Variants in TLR6 observed in about 807,000 individuals in gnomAD.
TLR6 encodes the protein toll like receptor 6.
TLR6 carries 9 observed loss-of-function variants against 16.1 expected under a neutral mutation model. The ratio of observed to expected loss-of-function variants is 0.56; its 90% confidence interval spans 0.34 to 0.98. The LOEUF (loss-of-function observed/expected upper bound fraction) is 0.98, where lower values mean the gene tolerates loss of function less well. Among genes scored for constraint, TLR6 ranks in the 50% least tolerant of loss-of-function variants. The pLI, the probability that TLR6 is intolerant of heterozygous loss-of-function variation, is 0.02. For missense variants in TLR6, 786 were observed against 921.0 expected, an observed-to-expected ratio of 0.85 and a Z score of 1.90; for synonymous variants, 340 against 338.6, an observed-to-expected ratio of 1.00 and a Z score of -0.04.
chr4:38,845,641 C>A (rs757678603), intron 1 of TLR6, among the ~76,000 whole-genome samples: 11 of 152,164 alleles, frequency 7.2e-5, no homozygotes, highest in Non-Finnish European at 1.6e-4. Context: ...GGATTCCCTC[C>A]TAGAGCCTCC....
intron 1 of TLR6, 37 bp from the exon 2 acceptor site, chr4:38,829,574 G>T: frequency 1.4e-6 from 1 of 707,940 alleles, no homozygotes; most frequent in Non-Finnish European, 2.3e-6. Context: ...AATAAAGATC[G>T]GATGGTTACT....
chr4:38,867,669 G>T, the TLR6 span: 1 of 151,562 alleles, frequency 6.6e-6, no homozygotes, highest in Non-Finnish European at 1.5e-5. Context: ...CCCTCGCAGC[G>T]TGGGGGTGGC....
intron 1 of TLR6, among the ~76,000 whole-genome samples, chr4:38,850,043 T>G (rs1190148182): frequency 6.6e-6 from 1 of 152,186 alleles, no homozygotes; most frequent in African/African-American, 2.4e-5. Flanking sequence ...CAGACCATGG[T>G]GCAATCAAAC....
chr4:38,843,821 G>A (rs1712395099), intron 1 of TLR6: 1 of 152,142 alleles, frequency 6.6e-6, no homozygotes, highest in Non-Finnish European at 1.5e-5. Context: ...GAAATGTAAT[G>A]GCAGGATCCA....
At chr4:38,848,484 C>T (rs1712631227) in intron 1 of TLR6, among the ~76,000 whole-genome samples, 1 of 152,222 alleles carries the variant, frequency 6.6e-6, no homozygotes, top group African/African-American at 2.4e-5. Context: ...ACTTCTCCAA[C>T]TAAAGGAGGA....
intron 1 of TLR6, among the ~76,000 whole-genome samples, chr4:38,830,507 G>A (rs1181206694): frequency 6.6e-6 from 1 of 152,152 alleles, no homozygotes; most frequent in Non-Finnish European, 1.5e-5. Context: ...TTGAGTCCAG[G>A]AGTTCAAAGC....
chr4:38,862,382 G>A, the TLR6 span, among the ~76,000 whole-genome samples: 1 of 151,908 alleles, frequency 6.6e-6, no homozygotes, highest in African/African-American at 2.4e-5. Context: ...CCAGGTTCAA[G>A]GGATTTTCTT....
At chr4:38,860,535 TA>T (rs61334345), upstream of TLR6, among the ~76,000 whole-genome samples, 476 of 133,452 alleles carry the variant, frequency 3.6e-3, 2 homozygotes, top group Middle Eastern at 0.011. Context: ...TCTGCTGAAT[TA>T]AAAAAAAAAA....
chr4:38,841,014 C>T (rs1363825416), intron 1 of TLR6, among the ~76,000 whole-genome samples: 1 of 151,858 alleles, frequency 6.6e-6, no homozygotes, highest in Non-Finnish European at 1.5e-5. Flanking sequence ...ATAATCTGTC[C>T]CTGTGATATA....
chr4:38,853,359 C>T lies in TLR6; in HGVS notation c.-65+3402G>A, dbSNP rs368821471. 8.7e-5 allele frequency among the ~76,000 whole-genome samples: 13 copies of T among 148,644 alleles called. No individual in the cohort carries two copies. The East Asian group carries it at 2.5e-3, about 29-fold the overall frequency. The stretch of plus-strand genomic sequence containing the variant: ...CAAACCTGCATGTTGTGCACATGTA[C>T]CCTAGAACTTAAAGTATAATAATAA... On this transcript the variant is annotated intron_variant, in intron 1 of 1. Transcript: ENST00000436693.
upstream of TLR6, among the ~76,000 whole-genome samples, chr4:38,858,888 AGAG>A (rs1231954591): frequency 1.1e-4 from 5 of 45,522 alleles, no homozygotes; most frequent in Non-Finnish European, 1.3e-4. Context: ...AGAAAGAAAG[AGAG>A]AAAGAAAGAA....
chr4:38,850,070 G>A (rs56060734), intron 1 of TLR6, among the ~76,000 whole-genome samples: 46,436 of 152,122 alleles, frequency 0.31, 8,228 homozygotes, highest in East Asian at 0.58. Context: ...TCAGGATTAA[G>A]AAACTCACTC....
chr4:38,825,768 A>G (rs1037695599), exon 2 of TLR6: 3 of 152,166 alleles, frequency 2.0e-5, no homozygotes, highest in African/African-American at 7.2e-5. Context: ...ATGCAAGCCC[A>G]GCTACTCTTC....
chr4:38,829,577 T>C lies in TLR6; in HGVS notation c.-64-40A>G, dbSNP rs1727735069. On this transcript the variant is annotated intron_variant, in intron 1 of 1. Transcript: ENST00000436693. ...TACACTAAGATTAATAAAGATCGGA[T>C]GGTTACTCTCAAACCTCCACTTACT... 1.3e-5 allele frequency: 9 copies of C among 704,804 alleles called. No individual in the cohort carries two copies. The South Asian group carries it at 1.7e-4, about 13-fold the overall frequency. 43.7% of individuals were successfully genotyped at this position (704,804 alleles called of 1,614,324 possible). A position where few individuals can be genotyped will look rare whatever the true frequency, so the allele number is the denominator to read the frequency against.
At chr4:38,853,148 CA>C (rs1712836128) in intron 1 of TLR6, among the ~76,000 whole-genome samples, 1 of 146,638 alleles carries the variant, frequency 6.8e-6, no homozygotes, top group South Asian at 2.1e-4. Flanking sequence ...CCAAACACCG[CA>C]TGTTCTCACT....
intron 1 of TLR6, among the ~76,000 whole-genome samples, chr4:38,853,414 C>T (rs77029232): frequency 0.031 from 4,731 of 151,208 alleles, 217 homozygotes; most frequent in African/African-American, 0.087. Context: ...TTGTTCTTTC[C>T]GGAAGTTTTA....
At chr4:38,830,547 T>C (rs5743802) in intron 1 of TLR6, among the ~76,000 whole-genome samples, 61,072 of 151,798 alleles carry the variant, frequency 0.4, 13,674 homozygotes, top group African/African-American at 0.61. Flanking sequence ...AAACTCCATC[T>C]CTACAAAAAA....
chr4:38,828,415 G>T (rs1374604730), exon 2 of TLR6: 1 of 1,613,766 alleles, frequency 6.2e-7, no homozygotes. Context: ...ACTTGAATGT[G>T]CTTGGTGCAT....
At chr4:38,826,982 A>C (rs1727569406) in exon 2 of TLR6, 2 of 938,872 alleles carry the variant, frequency 2.1e-6, no homozygotes, top group Non-Finnish European at 3.1e-6. Flanking sequence ...TCCTGAAGGC[A>C]TGAGGATAAT....
Sources: gnomAD v4.1 joint callset for allele counts (sites outside exome capture counted in the v4.1 genomes callset) on GRCh38, gnomAD v4.1.1 for gene constraint, MANE v1.5 for transcripts, NCBI Gene and HGNC (gene_info 2026-07-23, HGNC 2026-07-21) for gene names.